The following TPST2 variants were observed in gnomAD, a reference collection of about 807,000 sequenced individuals.
TPST2 encodes the protein protein-tyrosine sulfotransferase 2.
In TPST2, 16 loss-of-function variants were observed where a neutral mutation model predicts 27.8. The ratio of observed to expected loss-of-function variants is 0.58; its 90% confidence interval spans 0.39 to 0.88. TPST2 has a LOEUF of 0.88. Ranked by LOEUF, TPST2 falls within the 40% of genes least tolerant of loss-of-function variation. The pLI is 0.00. For synonymous variants in TPST2, 229 were observed against 231.7 expected, an observed-to-expected ratio of 0.99 and a Z score of 0.10; for missense variants, 464 against 543.1, an observed-to-expected ratio of 0.85 and a Z score of 1.45.
rs1279608863 is a variant in TPST2 at position 26,541,653 on chromosome 22, C to A, written c.-23G>T. The stretch of plus-strand genomic sequence containing the variant: ...CATGCTGGGCCGGAGGCAGGGTAGG[C>A]CTGGCCTGAGGGCCCGCTTCTGGGG... On this transcript the variant is annotated 5_prime_UTR_variant, in exon 3 of 7. Coordinates refer to ENST00000338754, the MANE Select transcript of TPST2 (RefSeq NM_003595.5). This position sits in a 1 kb window ranked among gnomAD's most constrained non-coding sequence, Gnocchi z 5.9. 7 of 1,538,280 alleles carry A rather than the reference C, an allele frequency of 4.6e-6. No homozygotes were observed. The South Asian group carries it at 8.3e-5, about 18-fold the overall frequency.
chr22:26,560,931 A>G (rs947911709), intron 1 of TPST2: 215 of 1,609,172 alleles, frequency 1.3e-4, no homozygotes, highest in Middle Eastern at 1.7e-4. Flanking sequence ...GTGGAATAAC[A>G]CTGCCGCAGA....
chr22:26,577,076 A>G (rs1490065976), intron 1 of TPST2, among the ~76,000 whole-genome samples: 2 of 148,438 alleles, frequency 1.3e-5, no homozygotes, highest in African/African-American at 5.0e-5. Flanking sequence ...AGCCTGGGCG[A>G]CAGAACGAGA....
At chr22:26,574,773 C>T (rs146574084) in intron 1 of TPST2, among the ~76,000 whole-genome samples, 5 of 152,282 alleles carry the variant, frequency 3.3e-5, no homozygotes, top group African/African-American at 1.2e-4. Flanking sequence ...AATGTAGGCT[C>T]CCAACCATGG....
At chr22:26,572,178 A>G (rs1191226754) in intron 1 of TPST2, among the ~76,000 whole-genome samples, 1 of 152,196 alleles carries the variant, frequency 6.6e-6, no homozygotes, top group African/African-American at 2.4e-5. Context: ...GGCCTGGCCA[A>G]TCACAGCATT....
chr22:26,581,988 G>A (rs559674604), intron 1 of TPST2, among the ~76,000 whole-genome samples: 5 of 152,308 alleles, frequency 3.3e-5, no homozygotes, highest in African/African-American at 1.2e-4. Context: ...GTAGCGGGCC[G>A]GATGTGGCCT....
intron 1 of TPST2, among the ~76,000 whole-genome samples, chr22:26,545,334 A>G (rs564344733): frequency 6.6e-6 from 1 of 152,328 alleles, no homozygotes; most frequent in Admixed American, 6.5e-5. Flanking sequence ...AAAGAGTTTC[A>G]CCATCCAGAT....
chr22:26,584,686 C>G, intron 1 of TPST2, among the ~76,000 whole-genome samples: 1 of 151,826 alleles, frequency 6.6e-6, no homozygotes, highest in East Asian at 1.9e-4. Context: ...ACAAAAAAAC[C>G]CAAAACAAAA....
chr22:26,574,611 C>T (rs545106447), intron 1 of TPST2, among the ~76,000 whole-genome samples: 2 of 152,354 alleles, frequency 1.3e-5, no homozygotes, highest in African/African-American at 4.8e-5. Flanking sequence ...ATACAAGTCC[C>T]TTGGATCCTC....
At chr22:26,548,252 G>GA (rs1344055253) in intron 1 of TPST2, among the ~76,000 whole-genome samples, 4 of 150,790 alleles carry the variant, frequency 2.7e-5, no homozygotes, top group Non-Finnish European at 4.4e-5. Flanking sequence ...CGAGGTGGGA[G>GA]AATCACTTAA....
chr22:26,571,639 AC>A (rs1927628794), intron 1 of TPST2, among the ~76,000 whole-genome samples: 1 of 152,146 alleles, frequency 6.6e-6, no homozygotes. Context: ...CAGCATAGCA[AC>A]CGTGAAATGG....
At chr22:26,554,688 A>G (rs1926688570) in intron 1 of TPST2, among the ~76,000 whole-genome samples, 1 of 152,358 alleles carries the variant, frequency 6.6e-6, no homozygotes, top group Non-Finnish European at 1.5e-5. Flanking sequence ...CTGTAATCCC[A>G]GCACTTTGGG....
chr22:26,527,080 A>G (rs1924884647), intron 6 of TPST2, among the ~76,000 whole-genome samples: 1 of 152,222 alleles, frequency 6.6e-6, no homozygotes, highest in Non-Finnish European at 1.5e-5. Flanking sequence ...CTCTGTCTCA[A>G]AAACAAAAAC....
intron 3 of TPST2, among the ~76,000 whole-genome samples, chr22:26,539,502 C>A (rs1157796356): frequency 6.6e-6 from 1 of 151,744 alleles, no homozygotes; most frequent in Admixed American, 6.6e-5. Context: ...AGGCCAGGGG[C>A]CTGTAATCCC....
intron 1 of TPST2, among the ~76,000 whole-genome samples, chr22:26,580,296 C>T (rs564826130): frequency 1.1e-4 from 16 of 152,270 alleles, no homozygotes; most frequent in Non-Finnish European, 8.8e-5. Flanking sequence ...GAGATGAGCA[C>T]TAGCAGCAGC....
intron 1 of TPST2, chr22:26,565,423 T>A (rs1401764664): frequency 6.6e-6 from 1 of 152,376 alleles, no homozygotes; most frequent in Non-Finnish European, 1.5e-5. Context: ...TCCTCCCTCT[T>A]CTGGATCCAG....
intron 1 of TPST2, among the ~76,000 whole-genome samples, chr22:26,562,107 G>A (rs1028259324): frequency 6.6e-6 from 1 of 152,230 alleles, no homozygotes; most frequent in Admixed American, 6.5e-5. Flanking sequence ...CAGATACAAA[G>A]ACCAGGAGGC....
chr22:26,574,821 C>T (rs1042449511), intron 1 of TPST2, among the ~76,000 whole-genome samples: 9 of 152,254 alleles, frequency 5.9e-5, no homozygotes, highest in South Asian at 2.1e-4. Flanking sequence ...ACTCCAGCCC[C>T]GCCAGGGACT....
intron 4 of TPST2, among the ~76,000 whole-genome samples, chr22:26,533,630 A>G (rs1053744608): frequency 6.6e-6 from 1 of 152,132 alleles, no homozygotes; most frequent in Non-Finnish European, 1.5e-5. Flanking sequence ...GAAACAAGGG[A>G]GATTAATTCT....
Position 26,536,515 on chromosome 22 carries a change from T to C in TPST2, c.843-29A>G, listed in dbSNP as rs779295083. 2.7e-6 allele frequency: 4 copies of C among 1,480,862 alleles called. No homozygotes were observed. In the Admixed American group the frequency reaches 7.3e-5, roughly 27 times the overall value. The allele number at this position is 1,480,862 out of a possible 1,614,324, so 91.7% of individuals were successfully genotyped here. On this transcript the variant is annotated intron_variant, in intron 3 of 6. Transcript: ENST00000338754. ...GGGAGAGAGGAGACGCTGGAGAGGG[T>C]AGGGCAGACCCAGATGGCGCCTGAG... is the stretch of plus-strand genomic sequence containing the variant.
Sources: gnomAD v4.1 joint callset for allele counts (sites outside exome capture counted in the v4.1 genomes callset) on GRCh38, gnomAD v4.1.1 for gene constraint, Gnocchi (gnomAD v3.1) non-coding constraint, MANE v1.5 for transcripts, NCBI Gene and HGNC (gene_info 2026-07-23, HGNC 2026-07-21) for gene names.